HTN3: variants seen among roughly 807,000 people sequenced by gnomAD.
HTN3 encodes histatin 3, also known as histatin-3.
In HTN3, 15 loss-of-function variants were observed where a neutral mutation model predicts 10.6. That is an observed-to-expected ratio of 1.42 (90% CI 0.95 to 2.18). HTN3 has a LOEUF of 2.18. HTN3 is among the 30% of genes most tolerant of loss of function. The pLI, the probability that HTN3 is intolerant of heterozygous loss-of-function variation, is 0.00. For synonymous variants in HTN3, 15 were observed against 16.9 expected, an observed-to-expected ratio of 0.89 and a Z score of 0.27; for missense variants, 68 against 58.0, an observed-to-expected ratio of 1.17 and a Z score of -0.56.
Position 70,033,243 on chromosome 4 carries a change from T to A in HTN3, c.*23T>A. ...TGATATCTTCAGTAATCACGGGGCA[T>A]GATTATGGAGGTAAGCTGACTCTAG... On this transcript the variant is annotated 3_prime_UTR_variant, in exon 5 of 6. Coordinates refer to ENST00000673563, the MANE Select transcript of HTN3 (RefSeq NM_000200.3). 1 of 1,445,992 alleles carries A rather than the reference T, an allele frequency of 6.9e-7. No homozygotes were observed. The highest frequency in any genetic ancestry group is 9.7e-7 in the Non-Finnish European group (1 of 1,034,866). The allele number at this position is 1,445,992 out of a possible 1,614,324, so 89.6% of individuals were successfully genotyped here. A position where few individuals can be genotyped will look rare whatever the true frequency, so the allele number is the denominator to read the frequency against.
intron 5 of HTN3, among the ~76,000 whole-genome samples, chr4:70,035,515 C>T (rs1434673723): frequency 6.6e-6 from 1 of 152,272 alleles, no homozygotes; most frequent in Admixed American, 6.5e-5. Context: ...TTTGGAGAAG[C>T]TGCACAACCG....
intron 1 of HTN3, among the ~76,000 whole-genome samples, chr4:70,030,407 C>T (rs1014050646): frequency 2.0e-5 from 3 of 152,114 alleles, no homozygotes; most frequent in African/African-American, 7.2e-5. Context: ...AGGAAGATTC[C>T]TAGAGCCCAG....
rs1489054168 is a variant in HTN3 at position 70,032,016 on chromosome 4, T to A, written c.72+17T>A. On this transcript the variant is annotated intron_variant, in intron 3 of 5. Coordinates refer to ENST00000673563, the MANE Select transcript of HTN3 (RefSeq NM_000200.3). ...CATGCAAAGGTAAGACATTTTCATT[T>A]ACTGGAAAACTTGATAATTAATCAT... The A allele has an allele frequency of 6.4e-7, 1 of 1,567,826 alleles. No homozygotes were observed. The highest frequency in any genetic ancestry group is 1.7e-5 in the Admixed American group (1 of 59,292).
intron 1 of HTN3, among the ~76,000 whole-genome samples, chr4:70,029,481 T>C (rs1449110540): frequency 1.3e-5 from 2 of 152,050 alleles, no homozygotes; most frequent in East Asian, 1.9e-4. Flanking sequence ...ATTTTTATTA[T>C]AATTAGATGA....
At chr4:70,031,466 TCCACTAAA>T (rs1226749042) in intron 2 of HTN3, 2 of 153,822 alleles carry the variant, frequency 1.3e-5, no homozygotes, top group Non-Finnish European at 2.9e-5. Context: ...CTTCAACCTA[TCCACTAAA>T]TTCAAATGAA....
intron 4 of HTN3, among the ~76,000 whole-genome samples, chr4:70,032,864 G>A (rs958668188): frequency 1.3e-5 from 2 of 152,024 alleles, no homozygotes; most frequent in African/African-American, 4.8e-5. Flanking sequence ...GTAACTTGGA[G>A]GTAATGTTGT....
rs56388012 is a variant in HTN3, at chr4:70,032,204, A to G, written c.102+97A>G. 5.9e-3 allele frequency: 4,835 copies of G among 824,434 alleles called. 157 individuals carry two copies. The African/African-American group carries it at 0.074, about 13-fold the overall frequency. The allele number at this position is 824,434 out of a possible 1,614,324, so 51.1% of individuals were successfully genotyped here. On this transcript the variant is annotated intron_variant, in intron 4 of 5. Transcript: ENST00000673563. Reference sequence around the variant, plus strand: ...TGATAGTTATCTCTCAAATATATTTATATCATTAATTGCTAAAGTGTACAT... The same window carrying G: ...TGATAGTTATCTCTCAAATATATTTGTATCATTAATTGCTAAAGTGTACAT...
At chr4:70,030,879 T>A (rs764640456) in intron 2 of HTN3, 88 bp downstream of exon 2, 10 of 994,256 alleles carry the variant, frequency 1.0e-5, no homozygotes, top group Non-Finnish European at 1.6e-5. Flanking sequence ...CATATATTCA[T>A]GTTCACCTCA....
intron 5 of HTN3, among the ~76,000 whole-genome samples, chr4:70,035,953 A>G (rs527355971): frequency 6.6e-6 from 1 of 152,312 alleles, no homozygotes; most frequent in African/African-American, 2.4e-5. Flanking sequence ...TAGGTAAAAT[A>G]TTATTTGAGG....
chr4:70,035,389 A>G (rs1484116181), intron 5 of HTN3, among the ~76,000 whole-genome samples: 1 of 152,182 alleles, frequency 6.6e-6, no homozygotes, highest in East Asian at 1.9e-4. Context: ...AGGGCTATTG[A>G]GAGACATTAT....
At chr4:70,032,157 C>T in intron 4 of HTN3, 50 bp downstream of exon 4, 1 of 1,147,122 alleles carries the variant, frequency 8.7e-7, no homozygotes, top group Non-Finnish European at 1.3e-6. Context: ...TCTTCTCTGA[C>T]TATTTATTCT....
intron 5 of HTN3, chr4:70,033,469 T>G: frequency 2.7e-6 from 1 of 371,296 alleles, no homozygotes; most frequent in Non-Finnish European, 4.8e-6. Context: ...CATTGGTCTA[T>G]ATGTCTGTTT....
Position 70,033,221 on chromosome 4 carries a change from T to C in HTN3, c.*1T>C, listed in dbSNP as rs1210190677. On this transcript the variant is annotated 3_prime_UTR_variant, in exon 5 of 6. Transcript: ENST00000673563. ...ATCAAATTATCTGTATGACAATTGA[T>C]ATCTTCAGTAATCACGGGGCATGAT... The C allele has an allele frequency of 6.3e-7, 1 of 1,581,802 alleles. No homozygotes were observed.
In HTN3 at chr4:70,030,713, T is replaced by C; in HGVS notation, c.-13-15T>C. ...AAAGAATGTGATTACTGATTTTTCA[T>C]GTTTGATTTTATAGGACTCAGCCAA... On this transcript the variant is annotated splice_polypyrimidine_tract_variant and intron_variant, in intron 1 of 5. Coordinates refer to ENST00000673563, the MANE Select transcript of HTN3 (RefSeq NM_000200.3). The C allele has an allele frequency of 1.9e-6, 3 of 1,549,586 alleles. No homozygotes were observed. The highest frequency in any genetic ancestry group is 1.8e-6 in the Non-Finnish European group (2 of 1,122,096).
At chr4:70,035,493 T>C (rs895685648) in intron 5 of HTN3, among the ~76,000 whole-genome samples, 30 of 152,190 alleles carry the variant, frequency 2.0e-4, no homozygotes, top group African/African-American at 6.8e-4. Flanking sequence ...TTTTCTGTCC[T>C]AAAATGTAAT....
intron 2 of HTN3, 105 bp from the exon 3 acceptor site, chr4:70,031,874 C>A: frequency 1.3e-6 from 1 of 762,724 alleles, no homozygotes; most frequent in Non-Finnish European, 2.2e-6. Flanking sequence ...CCAAAGAATG[C>A]CTCCATTCTA....
chr4:70,029,214 C>G (rs1433717476), intron 1 of HTN3, among the ~76,000 whole-genome samples: 3 of 151,966 alleles, frequency 2.0e-5, no homozygotes, highest in Non-Finnish European at 4.4e-5. Context: ...TTTCTTACAG[C>G]CTTTTTTGAT....
Position 70,028,468 on chromosome 4 carries a change from G to T in HTN3, c.-62G>T, listed in dbSNP as rs1725294724. On this transcript the variant is annotated 5_prime_UTR_variant, in exon 1 of 6. Transcript: ENST00000673563. Reference sequence around the variant, plus strand: ...CCATCTAGGAAAGGACATCTCTTGAGACTTCACTTCAGCTTCACTGACTTC... The same window carrying T: ...CCATCTAGGAAAGGACATCTCTTGATACTTCACTTCAGCTTCACTGACTTC... The T allele has an allele frequency of 6.6e-6, 1 of 152,146 alleles. No individual in the cohort carries two copies. The highest frequency in any genetic ancestry group is 1.5e-5 in the Non-Finnish European group (1 of 68,024). 9.4% of individuals were successfully genotyped at this position (152,146 alleles called of 1,614,324 possible). A position where few individuals can be genotyped will look rare whatever the true frequency, so the allele number is the denominator to read the frequency against.
intron 2 of HTN3, 45 bp from the exon 3 acceptor site, chr4:70,031,934 T>C (rs1334998213): frequency 1.5e-6 from 2 of 1,318,884 alleles, no homozygotes; most frequent in Non-Finnish European, 2.2e-6. Context: ...TCTTGAATTA[T>C]GAAATTAAGA....
Sources: gnomAD v4.1 joint callset for allele counts (sites outside exome capture counted in the v4.1 genomes callset) on GRCh38, gnomAD v4.1.1 for gene constraint, MANE v1.5 for transcripts, NCBI Gene and HGNC (gene_info 2026-07-23, HGNC 2026-07-21) for gene names.